Variants in ASMT observed in about 807,000 individuals in gnomAD.
ASMT encodes acetylserotonin O-methyltransferase, also known as acetylserotonin N-methyltransferase.
Under a neutral mutation model 41.3 loss-of-function variants are expected in ASMT, and 53 were observed. The observed-to-expected ratio is 1.28, with a 90% confidence interval of 1.03 to 1.61. ASMT has a LOEUF of 1.61. ASMT is among the 40% of genes most tolerant of loss of function. The pLI, the probability that ASMT is intolerant of heterozygous loss-of-function variation, is 0.00. For missense variants in ASMT, 531 were observed against 441.3 expected, an observed-to-expected ratio of 1.20 and a Z score of -1.82; for synonymous variants, 231 against 184.8, an observed-to-expected ratio of 1.25 and a Z score of -2.03.
At chrX:1,623,914 G>A (rs1400544338) in intron 2 of ASMT, among the ~76,000 whole-genome samples, 4 of 152,072 alleles carry the variant, frequency 2.6e-5, no homozygotes, top group Non-Finnish European at 4.4e-5. Context: ...CTCCCTAAGC[G>A]CTGAGATTAC....
rs1569384291 is a variant in ASMT, at chrX:1,636,959, CAT to C, written c.910+400_910+401del. ...TCCCAGCTCTCCTGTGAGGTCCATCCATCCTGATGGCACATGAGGATGTGGGC... is the reference window on the plus strand; with the variant it reads ...TCCCAGCTCTCCTGTGAGGTCCATCCCCTGATGGCACATGAGGATGTGGGC... On this transcript the variant is annotated intron_variant, in intron 8 of 8. Coordinates refer to ENST00000381241, the MANE Select transcript of ASMT (RefSeq NM_001171038.2). Among the ~76,000 whole-genome samples, 43 of 86,600 alleles carry C rather than the reference CAT, an allele frequency of 5.0e-4. 6 individuals are homozygous for C. The highest frequency in any genetic ancestry group is 1.6e-3 in the African/African-American group (34 of 21,214). The allele number at this position is 86,600 out of a possible 152,430, so 56.8% of individuals were successfully genotyped here.
At chrX:1,636,232 C>T (rs1224945135) in intron 7 of ASMT, 2 of 713,688 alleles carry the variant, frequency 2.8e-6, no homozygotes, top group African/African-American at 1.7e-5. Flanking sequence ...GCTAGGATTA[C>T]AGGCGTGAGC....
chrX:1,634,280 T>A (rs1405503494), intron 7 of ASMT, among the ~76,000 whole-genome samples: 1 of 152,146 alleles, frequency 6.6e-6, no homozygotes, highest in Non-Finnish European at 1.5e-5. Flanking sequence ...GAGCTTCTTG[T>A]TGTCTTCTCC....
chrX:1,625,099 C>G (rs867332720), intron 3 of ASMT, among the ~76,000 whole-genome samples: 1 of 125,686 alleles, frequency 8.0e-6, no homozygotes. Context: ...TTTTTCTTTT[C>G]TTTTCTTTCT....
intron 5 of ASMT, 47 bp downstream of exon 5, chrX:1,629,986 T>A: frequency 1.4e-6 from 2 of 1,445,448 alleles, no homozygotes; most frequent in Non-Finnish European, 2.0e-6. Context: ...GCTTCTGTTC[T>A]GTATGGGGAA....
At chrX:1,627,576 G>C (rs569633584) in intron 3 of ASMT, 127 bp from the exon 4 acceptor site, 7 of 971,822 alleles carry the variant, frequency 7.2e-6, no homozygotes, top group African/African-American at 3.1e-5. Flanking sequence ...AGCCGAGATC[G>C]TGCCATTGCA....
rs775053087 is a variant in ASMT, at chrX:1,636,500, G to A, written c.850G>A (p.Asp284Asn). Residue 284 changes from aspartate (D) to asparagine (N), a missense_variant, in exon 8 of 9, where the codon GAC (aspartate) becomes AAC (asparagine). Physicochemically the swap from Asp to Asn is conservative, Grantham distance 23 (BLOSUM62 1). Coordinates refer to ENST00000381241, the MANE Select transcript of ASMT (RefSeq NM_001171038.2). ...GTACATCCTGGCCAGGGTCCTCCAT[G>A]ACTGGGCAGACGGAAAGTGCTCACA... is the stretch of plus-strand genomic sequence containing the variant. ...DLYILARVLH[D>N]WADGKCSHLL... 2 of 1,613,810 alleles carry A rather than the reference G, an allele frequency of 1.2e-6. No individual in the cohort carries two copies. Among genetic ancestry groups the A allele is most frequent in the African/African-American group, 2.7e-5 (2 of 74,906 alleles).
chrX:1,627,901 A>T (rs1249125318), intron 4 of ASMT, 130 bp downstream of exon 4: 1 of 881,878 alleles, frequency 1.1e-6, no homozygotes, highest in African/African-American at 1.7e-5. Context: ...TTAAAATAAC[A>T]TCCCCTATCC....
chrX:1,615,125 C>CT lies in ASMT; in HGVS notation c.-73dup. The CT allele has an allele frequency of 3.5e-6, 5 of 1,415,670 alleles. No individual in the cohort carries two copies. The highest frequency in any genetic ancestry group is 4.9e-6 in the Non-Finnish European group (5 of 1,022,440). 87.7% of individuals were successfully genotyped at this position (1,415,670 alleles called of 1,614,324 possible). On this transcript the variant is annotated 5_prime_UTR_variant, in exon 1 of 9. Coordinates refer to ENST00000381241, the MANE Select transcript of ASMT (RefSeq NM_001171038.2). ...CTGTGAGCGGGTGGCTCTTCCCCACCTTGCCAGCAGGCTCTGTGCTCCTTG... is the reference window on the plus strand; with the variant it reads ...CTGTGAGCGGGTGGCTCTTCCCCACCTTTGCCAGCAGGCTCTGTGCTCCTTG...
intron 8 of ASMT, among the ~76,000 whole-genome samples, chrX:1,638,556 G>C (rs1472225284): frequency 8.9e-4 from 1 of 1,120 alleles, no homozygotes; most frequent in African/African-American, 5.5e-3. Flanking sequence ...CACAGCCTCT[G>C]TGTGTGAGAT....
At chrX:1,616,853 C>T (rs753720942) in intron 1 of ASMT, among the ~76,000 whole-genome samples, 9 of 151,604 alleles carry the variant, frequency 5.9e-5, no homozygotes, top group Non-Finnish European at 1.0e-4. Context: ...GGATTACAGG[C>T]ACCCGCCACC....
At chrX:1,622,360 G>C (rs185377733) in intron 1 of ASMT, among the ~76,000 whole-genome samples, 254 of 149,956 alleles carry the variant, frequency 1.7e-3, no homozygotes, top group African/African-American at 6.1e-3. Flanking sequence ...GTGAGATCTC[G>C]GCTCACTGCA....
chrX:1,615,302 A>G, intron 1 of ASMT, 34 bp downstream of exon 1: 1 of 1,546,468 alleles, frequency 6.5e-7, no homozygotes, highest in Non-Finnish European at 8.8e-7. Flanking sequence ...GGGGGAATAG[A>G]CTTCCGTTCA....
At chrX:1,634,537 G>C (rs1480547810) in intron 7 of ASMT, among the ~76,000 whole-genome samples, 1 of 152,154 alleles carries the variant, frequency 6.6e-6, no homozygotes, top group Non-Finnish European at 1.5e-5. Context: ...CAGAGACCCA[G>C]CTGAACAAAG....
intron 1 of ASMT, among the ~76,000 whole-genome samples, chrX:1,616,622 CG>C (rs1467779587): frequency 6.6e-6 from 1 of 151,396 alleles, no homozygotes; most frequent in Admixed American, 6.6e-5. Context: ...GTCATCCCAA[CG>C]GTTTGGGGGT....
chrX:1,636,412 C>T (rs1337771076), intron 7 of ASMT, 26 bp from the exon 8 acceptor site: 17 of 1,613,898 alleles, frequency 1.1e-5, no homozygotes, highest in Non-Finnish European at 1.4e-5. Context: ...GCAGGCTGAC[C>T]TCGGTGTGCC....
At chrX:1,631,021 C>G (rs1249003955) in intron 5 of ASMT, among the ~76,000 whole-genome samples, 2 of 151,486 alleles carry the variant, frequency 1.3e-5, no homozygotes, top group Admixed American at 1.3e-4. Context: ...CGCCATTCTC[C>G]TGCCTCAGCC....
At chrX:1,619,590 A>T (rs1365966016) in intron 1 of ASMT, among the ~76,000 whole-genome samples, 4 of 128,614 alleles carry the variant, frequency 3.1e-5, no homozygotes, top group African/African-American at 1.4e-4. Context: ...ATAATAATAA[A>T]AAGTCTTTGG....
At chrX:1,616,469 C>T (rs1367779128) in intron 1 of ASMT, among the ~76,000 whole-genome samples, 2 of 151,258 alleles carry the variant, frequency 1.3e-5, no homozygotes, top group African/African-American at 2.4e-5. Flanking sequence ...GAGTGTTTAA[C>T]GGAGACAGTG....
Sources: gnomAD v4.1 joint callset for allele counts (sites outside exome capture counted in the v4.1 genomes callset) on GRCh38, gnomAD v4.1.1 for gene constraint, MANE v1.5 for transcripts, NCBI Gene and HGNC (gene_info 2026-07-23, HGNC 2026-07-21) for gene names.